Variants in TNS3 observed in about 807,000 individuals in gnomAD.
TNS3 encodes the protein tensin 3.
TNS3 carries 45 observed loss-of-function variants against 140.9 expected under a neutral mutation model. The ratio of observed to expected loss-of-function variants is 0.32; its 90% confidence interval spans 0.25 to 0.41. The LOEUF is 0.41. Among genes scored for constraint, TNS3 ranks in the 10% least tolerant of loss-of-function variants. The pLI is 1.00. For missense variants in TNS3, 1,716 were observed against 1,906.7 expected, an observed-to-expected ratio of 0.90 and a Z score of 1.86; for synonymous variants, 815 against 788.4, an observed-to-expected ratio of 1.03 and a Z score of -0.56.
At chr7:47,533,029 T>C (rs983587024) in intron 1 of TNS3, among the ~76,000 whole-genome samples, 3 of 149,428 alleles carry the variant, frequency 2.0e-5, no homozygotes, top group African/African-American at 7.4e-5. Context: ...GATTCAAACC[T>C]TGCCATATTA....
chr7:47,422,992 T>C (rs191732634), intron 10 of TNS3, among the ~76,000 whole-genome samples: 1 of 152,266 alleles, frequency 6.6e-6, no homozygotes, highest in Admixed American at 6.5e-5. Context: ...TCCTACACCC[T>C]AGCCCATGTT....
Position 47,548,632 on chromosome 7 carries a change from T to A in TNS3, c.-264-19485A>T, listed in dbSNP as rs1161902249. Among the ~76,000 whole-genome samples, 3 of 152,152 alleles carry A rather than the reference T, an allele frequency of 2.0e-5. No individual in the cohort carries two copies. In the East Asian group the frequency reaches 5.8e-4, roughly 29 times the overall value. ...CCTTTGCCTCCTTTGGAGGGTTTTATCCCCTTGGGTACTTCTAAGTTTCAG... is the reference window on the plus strand; with the variant it reads ...CCTTTGCCTCCTTTGGAGGGTTTTAACCCCTTGGGTACTTCTAAGTTTCAG... On this transcript the variant is annotated intron_variant, in intron 1 of 30. Coordinates refer to ENST00000311160, the MANE Select transcript of TNS3 (RefSeq NM_022748.12).
Position 47,305,022 on chromosome 7 carries a change from A to C in TNS3, c.2651-19T>G. 1 of 1,330,466 alleles carries C rather than the reference A, an allele frequency of 7.5e-7. No individual in the cohort carries two copies. The highest frequency in any genetic ancestry group is 9.7e-7 in the Non-Finnish European group (1 of 1,030,310). The allele number at this position is 1,330,466 out of a possible 1,614,324, so 82.4% of individuals were successfully genotyped here. A position where few individuals can be genotyped will look rare whatever the true frequency, so the allele number is the denominator to read the frequency against. On this transcript the variant is annotated intron_variant, in intron 20 of 30. Transcript: ENST00000311160. ...CGTGGTTCTGTAGCGGGAACACAGGAAGCAGAGAGACCTCGGTTGTAGGAC... is the reference window on the plus strand; with the variant it reads ...CGTGGTTCTGTAGCGGGAACACAGGCAGCAGAGAGACCTCGGTTGTAGGAC...
At position 47,303,547 on chromosome 7, in the gene TNS3, G is replaced by GGCT. The variant is rs1786553145; in HGVS notation, c.2857_2859dup (p.Ser953dup). 5 of 1,602,818 alleles carry GGCT rather than the reference G, an allele frequency of 3.1e-6. No individual in the cohort carries two copies. The highest frequency in any genetic ancestry group is 3.4e-6 in the Non-Finnish European group (4 of 1,178,152). Reference sequence around the variant, plus strand: ...CCCAGCAGGGAAACCATGGGCTTGGGGCTGCTCTCCACCCACTGGCGTTCT... The same window carrying GGCT: ...CCCAGCAGGGAAACCATGGGCTTGGGGCTGCTGCTCTCCACCCACTGGCGTTCT... On this transcript the variant is annotated inframe_insertion, in exon 22 of 31. Transcript: ENST00000311160.
At chr7:47,324,013 T>TCCC (rs1249810433) in intron 20 of TNS3, among the ~76,000 whole-genome samples, 4 of 152,234 alleles carry the variant, frequency 2.6e-5, no homozygotes, top group Non-Finnish European at 5.9e-5. Flanking sequence ...CTGGAACTGA[T>TCCC]GTTGGCATGT....
chr7:47,514,205 G>A (rs1798703631), intron 2 of TNS3, among the ~76,000 whole-genome samples: 1 of 152,200 alleles, frequency 6.6e-6, no homozygotes, highest in Admixed American at 6.5e-5. Context: ...CCACAGCGGG[G>A]GACCGCCAGA....
chr7:47,309,923 G>A (rs1417127627), intron 20 of TNS3, among the ~76,000 whole-genome samples: 1 of 152,240 alleles, frequency 6.6e-6, no homozygotes, highest in Non-Finnish European at 1.5e-5. Context: ...AACCCATTCA[G>A]ATCGCCCAAG....
intron 7 of TNS3, 55 bp from the exon 8 acceptor site, chr7:47,435,459 C>T (rs890598686): frequency 1.4e-5 from 23 of 1,604,560 alleles, no homozygotes; most frequent in Non-Finnish European, 2.0e-5. Context: ...CCTTCTGAGG[C>T]CATCTCACAA....
At chr7:47,504,246 T>G (rs980647814) in intron 3 of TNS3, among the ~76,000 whole-genome samples, 7 of 152,222 alleles carry the variant, frequency 4.6e-5, no homozygotes, top group Non-Finnish European at 1.0e-4. Flanking sequence ...TCTGCCTCCC[T>G]GCCTGAGGCA....
chr7:47,578,419 T>C (rs188649394), intron 1 of TNS3, among the ~76,000 whole-genome samples: 9 of 152,294 alleles, frequency 5.9e-5, no homozygotes, highest in African/African-American at 2.2e-4. Flanking sequence ...CATCCCCAAG[T>C]TGATGGCCCC....
At chr7:47,557,208 T>A (rs924962121) in intron 1 of TNS3, 7 of 451,528 alleles carry the variant, frequency 1.6e-5, no homozygotes, top group African/African-American at 8.0e-5. Context: ...TGGGAAAGTT[T>A]ACAAGCGTCC....
chr7:47,491,760 T>C (rs960442202), intron 3 of TNS3, among the ~76,000 whole-genome samples: 4 of 152,156 alleles, frequency 2.6e-5, no homozygotes, highest in Non-Finnish European at 5.9e-5. Flanking sequence ...CCTGTTCACC[T>C]GAAGGAAGGC....
chr7:47,558,359 T>A (rs1800251703), intron 1 of TNS3, among the ~76,000 whole-genome samples: 1 of 152,136 alleles, frequency 6.6e-6, no homozygotes, highest in African/African-American at 2.4e-5. Flanking sequence ...AAGCTCCCAG[T>A]CTGTGCCTCA....
At chr7:47,569,425 T>G (rs1800502332) in intron 1 of TNS3, among the ~76,000 whole-genome samples, 1 of 151,894 alleles carries the variant, frequency 6.6e-6, no homozygotes, top group South Asian at 2.1e-4. Flanking sequence ...GCGCCTGTAA[T>G]CCCAGCTACT....
At chr7:47,383,979 G>A (rs1173845721) in intron 16 of TNS3, among the ~76,000 whole-genome samples, 1 of 152,216 alleles carries the variant, frequency 6.6e-6, no homozygotes, top group African/African-American at 2.4e-5. Context: ...AGAGACACAT[G>A]AAAGTGACAT....
chr7:47,364,854 C>A (rs2151119703), intron 17 of TNS3, among the ~76,000 whole-genome samples: 1 of 152,316 alleles, frequency 6.6e-6, no homozygotes, highest in African/African-American at 2.4e-5. Flanking sequence ...AGGGTTCCTA[C>A]AAGAAGGTCA....
At chr7:47,537,138 C>G (rs1369338775) in intron 1 of TNS3, among the ~76,000 whole-genome samples, 2 of 151,974 alleles carry the variant, frequency 1.3e-5, no homozygotes, top group Admixed American at 1.3e-4. Flanking sequence ...GGGAGCCGGG[C>G]TCGGCCGGGC....
intron 20 of TNS3, among the ~76,000 whole-genome samples, chr7:47,315,546 C>T (rs1584382953): frequency 6.6e-6 from 1 of 152,332 alleles, no homozygotes; most frequent in East Asian, 1.9e-4. Flanking sequence ...CTGTGGGAAG[C>T]TGGATACCAC....
chr7:47,354,118 T>C (rs561796402), intron 17 of TNS3, among the ~76,000 whole-genome samples: 3 of 152,080 alleles, frequency 2.0e-5, no homozygotes, highest in Non-Finnish European at 4.4e-5. Context: ...AATAATTATA[T>C]TGTTAAGGCC....
Sources: allele counts gnomAD v4.1 joint callset (sites outside exome capture counted in the v4.1 genomes callset), GRCh38; gene constraint gnomAD v4.1.1; transcripts MANE v1.5; gene names NCBI Gene and HGNC (gene_info 2026-07-23, HGNC 2026-07-21).